KIF5B: variants seen among roughly 807,000 people sequenced by gnomAD.
The protein encoded by KIF5B is kinesin family member 5B, also known as kinesin-1 heavy chain.
KIF5B carries 49 observed loss-of-function variants against 132.8 expected under a neutral mutation model. That is an observed-to-expected ratio of 0.37 (90% CI 0.29 to 0.47). The LOEUF is 0.47. KIF5B is among the 20% of genes least tolerant of loss of function. KIF5B has a pLI of 1.00. For synonymous variants in KIF5B, 355 were observed against 369.4 expected, an observed-to-expected ratio of 0.96 and a Z score of 0.45; for missense variants, 780 against 1,144.0, an observed-to-expected ratio of 0.68 and a Z score of 4.59.
rs187195626 is a variant in KIF5B, at chr10:32,016,551, G to C, written c.2761+592C>G. Among the ~76,000 whole-genome samples the C allele has an allele frequency of 2.8e-3, 428 of 152,136 alleles. 4 individuals are homozygous for C. The highest frequency in any genetic ancestry group is 9.7e-3 in the African/African-American group (402 of 41,516). On this transcript the variant is annotated intron_variant, in intron 24 of 25. Transcript: ENST00000302418. ...GTTTGTTTGTTTGTTTTTTGAGATGGAGTCTCGCTCGTCACCCAGGCCGGA... is the reference window on the plus strand; with the variant it reads ...GTTTGTTTGTTTGTTTTTTGAGATGCAGTCTCGCTCGTCACCCAGGCCGGA...
intron 14 of KIF5B, among the ~76,000 whole-genome samples, chr10:32,029,741 TATAACTGTCTTA>T (rs1841378379): frequency 6.6e-6 from 1 of 152,144 alleles, no homozygotes; most frequent in African/African-American, 2.4e-5. Flanking sequence ...GAAACATAAA[TATAACTGTCTTA>T]AAGACTAAAA....
At chr10:32,055,729 C>G in intron 1 of KIF5B, 119 bp downstream of exon 1, 2 of 1,355,584 alleles carry the variant, frequency 1.5e-6, no homozygotes, top group Non-Finnish European at 2.0e-6. Context: ...CAAACCCCGC[C>G]GGGGAGGGCT....
In KIF5B at chr10:32,035,629, G is replaced by T; in HGVS notation, c.855C>A (p.Ile285=). The T allele has an allele frequency of 3.7e-6, 6 of 1,612,652 alleles. No individual in the cohort carries two copies. Among genetic ancestry groups the T allele is most frequent in the South Asian group, 1.1e-5 (1 of 90,912 alleles). ...AGTTGCCACCTAATGAATCTTGAAG[G>T]ATTCTTGTCATTTTACTATCTCGAT... is the stretch of plus-strand genomic sequence containing the variant. ...VPYRDSKMTR[I]LQDSLGGNCR... is the part of the protein sequence containing the mutation. Residue 285 remains isoleucine, a synonymous_variant, in exon 10 of 26, where the codon ATC becomes ATA. Transcript: ENST00000302418.
rs548793906 is a variant in KIF5B at position 32,022,869 on chromosome 10, T to C, written c.1893A>G (p.Ala631=). 8.7e-6 allele frequency: 14 copies of C among 1,611,252 alleles called. 1 individual carries two copies. In the South Asian group the frequency reaches 1.1e-4, roughly 13 times the overall value. Residue 631 remains alanine (A), a synonymous_variant, in exon 16 of 26, where the codon GCA becomes GCG. Transcript: ENST00000302418. ...KMEENEKELA[A]CQLRISQHEA... The stretch of plus-strand genomic sequence containing the variant: ...ATACTTGAGAGATACGAAGCTGACA[T>C]GCTGCTAACTCCTTTTCATTTTCTT...
intron 1 of KIF5B, among the ~76,000 whole-genome samples, chr10:32,049,068 A>C (rs539206290): frequency 2.0e-5 from 3 of 152,066 alleles, no homozygotes; most frequent in Non-Finnish European, 4.4e-5. Context: ...GGCTCAAGAG[A>C]TCCTCCTGCC....
chr10:32,037,715 C>T, intron 6 of KIF5B, 108 bp from the exon 7 acceptor site: 1 of 746,808 alleles, frequency 1.3e-6, no homozygotes, highest in South Asian at 1.7e-5. Context: ...TGCCTGTAAT[C>T]CTAGCTACTT....
chr10:32,018,669 T>C (rs552091752), intron 20 of KIF5B, 107 bp from the exon 21 acceptor site: 6 of 844,292 alleles, frequency 7.1e-6, no homozygotes, highest in South Asian at 3.8e-5. Context: ...AATTCTTAAA[T>C]TTAAATAAAT....
intron 9 of KIF5B, 52 bp downstream of exon 9, chr10:32,035,838 T>C: frequency 6.9e-7 from 1 of 1,444,128 alleles, no homozygotes; most frequent in South Asian, 1.2e-5. Flanking sequence ...TACACCTATA[T>C]TTAAATAATG....
chr10:32,049,749 T>C (rs1417728202), intron 1 of KIF5B, among the ~76,000 whole-genome samples: 1 of 149,138 alleles, frequency 6.7e-6, no homozygotes, highest in Admixed American at 6.7e-5. Flanking sequence ...AAAAAATCAG[T>C]GGTGTCCATG....
chr10:32,037,185 G>A (rs548945167), intron 8 of KIF5B, 69 bp downstream of exon 8: 19 of 1,462,018 alleles, frequency 1.3e-5, no homozygotes, highest in East Asian at 9.1e-5. Context: ...TGAACCCTGC[G>A]TAACTCCCAA....
chr10:32,038,883 T>A lies in KIF5B; in HGVS notation c.394-57A>T, dbSNP rs1032457343. ...ACTAAAGTTATATAACTTATTCGCA[T>A]ATTGAGGTCTGAGTGCTAGGCATTG... On this transcript the variant is annotated intron_variant, in intron 4 of 25. Transcript: ENST00000302418. 2.8e-6 allele frequency: 3 copies of A among 1,066,560 alleles called. No homozygotes were observed. In the South Asian group the frequency reaches 4.0e-5, roughly 14 times the overall value. The allele number at this position is 1,066,560 out of a possible 1,614,324, so 66.1% of individuals were successfully genotyped here.
At chr10:32,055,117 G>A (rs1490772932) in intron 1 of KIF5B, among the ~76,000 whole-genome samples, 1 of 151,808 alleles carries the variant, frequency 6.6e-6, no homozygotes, top group Non-Finnish European at 1.5e-5. Context: ...GTCTTTCGGA[G>A]CACTTATCTG....
At chr10:32,039,529 G>T in intron 3 of KIF5B, 98 bp from the exon 4 acceptor site, 5 of 633,010 alleles carry the variant, frequency 7.9e-6, no homozygotes, top group East Asian at 3.2e-5. Context: ...GAAAGGACAG[G>T]AACTATATTT....
At position 32,009,449 on chromosome 10, in the gene KIF5B, A is replaced by G. The variant is rs1171960315; in HGVS notation, c.*2088T>C. 6.6e-6 allele frequency: 1 copy of G among 152,200 alleles called. No individual in the cohort carries two copies. The highest frequency in any genetic ancestry group is 2.1e-4 in the South Asian group (1 of 4,838). The allele number at this position is 152,200 out of a possible 1,614,324, so 9.4% of individuals were successfully genotyped here. A position where few individuals can be genotyped will look rare whatever the true frequency, so the allele number is the denominator to read the frequency against. ...TGTTTAATGACCTACCATAGCAAAAAGCAGTTCACTGAAAACAAATTTATG... is the reference window on the plus strand; with the variant it reads ...TGTTTAATGACCTACCATAGCAAAAGGCAGTTCACTGAAAACAAATTTATG... On this transcript the variant is annotated 3_prime_UTR_variant, in exon 26 of 26. Coordinates refer to ENST00000302418, the MANE Select transcript of KIF5B (RefSeq NM_004521.3).
chr10:32,031,983 G>A, intron 13 of KIF5B, among the ~76,000 whole-genome samples: 1 of 149,266 alleles, frequency 6.7e-6, no homozygotes, highest in Non-Finnish European at 1.5e-5. Context: ...TGGGGAACAA[G>A]AGCAAGACTT....
At chr10:32,037,086 T>C (rs974501997) in intron 8 of KIF5B, among the ~76,000 whole-genome samples, 168 bp downstream of exon 8, 6 of 152,318 alleles carry the variant, frequency 3.9e-5, no homozygotes, top group Admixed American at 1.3e-4. Flanking sequence ...TTGGAACTGA[T>C]TATTCAGCTG....
At chr10:32,049,822 A>G (rs1390477714) in intron 1 of KIF5B, among the ~76,000 whole-genome samples, 1 of 152,210 alleles carries the variant, frequency 6.6e-6, no homozygotes, top group African/African-American at 2.4e-5. Flanking sequence ...TGTGAGGCCA[A>G]GACAAAACTA....
chr10:32,029,125 G>T (rs1841367221), intron 14 of KIF5B, among the ~76,000 whole-genome samples: 2 of 152,180 alleles, frequency 1.3e-5, no homozygotes, highest in African/African-American at 4.8e-5. Context: ...ATCATAGCTG[G>T]CTTAACAGCT....
chr10:32,036,676 A>G (rs951096515), intron 8 of KIF5B, among the ~76,000 whole-genome samples: 1 of 152,262 alleles, frequency 6.6e-6, no homozygotes, highest in African/African-American at 2.4e-5. Flanking sequence ...ATAATCTTTG[A>G]AAGATGTGTG....
Sources: allele counts gnomAD v4.1 joint callset (sites outside exome capture counted in the v4.1 genomes callset), GRCh38; gene constraint gnomAD v4.1.1; transcripts MANE v1.5; gene names NCBI Gene and HGNC (gene_info 2026-07-23, HGNC 2026-07-21).